The following VTI1A variants were observed in gnomAD, a reference collection of about 807,000 sequenced individuals.
VTI1A encodes the protein vesicle transport through interaction with t-SNAREs homolog 1A.
In VTI1A, 22 loss-of-function variants were observed where a neutral mutation model predicts 34.9. The ratio of observed to expected loss-of-function variants is 0.63; its 90% confidence interval spans 0.45 to 0.90. The LOEUF is 0.90. Ranked by LOEUF, VTI1A falls within the 40% of genes least tolerant of loss-of-function variation. VTI1A has a pLI of 0.00. For missense variants in VTI1A, 268 were observed against 275.6 expected, an observed-to-expected ratio of 0.97 and a Z score of 0.20; for synonymous variants, 87 against 97.3, an observed-to-expected ratio of 0.89 and a Z score of 0.62.
At chr10:112,607,626 A>G (rs187865346) in intron 5 of VTI1A, among the ~76,000 whole-genome samples, 1 of 152,346 alleles carries the variant, frequency 6.6e-6, no homozygotes, top group East Asian at 1.9e-4. Context: ...AACTGAGATA[A>G]TAAGCATTCA....
chr10:112,550,146 T>C (rs1851294174), intron 5 of VTI1A, among the ~76,000 whole-genome samples: 1 of 152,210 alleles, frequency 6.6e-6, no homozygotes, highest in South Asian at 2.1e-4. Flanking sequence ...GTTTGTAAGA[T>C]ACACGTGGAG....
chr10:112,737,646 A>G lies in VTI1A; in HGVS notation c.560+68648A>G, dbSNP rs1850538754. ...GCCTCTATGTGTGAAACACAGGGGT[A>G]CCTCAAAAATAGAACAAGAGCACTC... On this transcript the variant is annotated intron_variant, in intron 7 of 7. Transcript: ENST00000393077. The G allele has an allele frequency of 1.4e-5, 15 of 1,050,594 alleles. No homozygotes were observed. The South Asian group carries it at 6.9e-4, about 48-fold the overall frequency. 65.1% of individuals were successfully genotyped at this position (1,050,594 alleles called of 1,614,324 possible).
intron 5 of VTI1A, among the ~76,000 whole-genome samples, chr10:112,573,454 G>C (rs968522176): frequency 6.6e-6 from 1 of 151,996 alleles, no homozygotes; most frequent in Non-Finnish European, 1.5e-5. Flanking sequence ...TTTATTATTA[G>C]ACATAAAATG....
At chr10:112,796,403 CAAAAAA>C (rs34102399) in intron 7 of VTI1A, among the ~76,000 whole-genome samples, 2 of 37,558 alleles carry the variant, frequency 5.3e-5, no homozygotes, top group Admixed American at 4.9e-4. Flanking sequence ...AAGACTCCGT[CAAAAAA>C]AAAAAAAAAA....
chr10:112,822,426 G>A (rs573652515), downstream of VTI1A, among the ~76,000 whole-genome samples: 16 of 152,130 alleles, frequency 1.1e-4, no homozygotes, highest in East Asian at 3.1e-3. Context: ...AGGCTGGGTT[G>A]GAGTTTGGAC....
intron 5 of VTI1A, among the ~76,000 whole-genome samples, chr10:112,594,843 G>A (rs535216993): frequency 0.091 from 13,793 of 151,652 alleles, 699 homozygotes; most frequent in Non-Finnish European, 0.11. Flanking sequence ...AAAAGAACCC[G>A]CATCGCCAAG....
intron 7 of VTI1A, among the ~76,000 whole-genome samples, chr10:112,776,434 G>A (rs1851957810): frequency 6.6e-6 from 1 of 152,124 alleles, no homozygotes; most frequent in Non-Finnish European, 1.5e-5. Flanking sequence ...CTGGGCCTTA[G>A]CACTAGGCGG....
intron 3 of VTI1A, among the ~76,000 whole-genome samples, chr10:112,513,896 G>A (rs1168459553): frequency 6.6e-6 from 1 of 151,800 alleles, no homozygotes; most frequent in Non-Finnish European, 1.5e-5. Flanking sequence ...ACTTGATCAT[G>A]GTGAATGATT....
intron 5 of VTI1A, among the ~76,000 whole-genome samples, chr10:112,611,761 T>G (rs1266971323): frequency 8.9e-5 from 8 of 90,252 alleles, no homozygotes; most frequent in Non-Finnish European, 1.4e-4. Flanking sequence ...TTTTTTTTTG[T>G]GACGGAGTCT....
In VTI1A at chr10:112,816,923, G is replaced by T. The variant is rs982208969; in HGVS notation, c.*1540G>T. On this transcript the variant is annotated 3_prime_UTR_variant, in exon 8 of 8. Transcript: ENST00000393077. ...AACAGGCCAAGGCCTGCATGTGTTCGGATAAATCATTTAGTATTGTGTAAA... is the reference window on the plus strand; with the variant it reads ...AACAGGCCAAGGCCTGCATGTGTTCTGATAAATCATTTAGTATTGTGTAAA... 5.2e-5 allele frequency: 12 copies of T among 230,576 alleles called. No individual in the cohort carries two copies. Among genetic ancestry groups the T allele is most frequent in the Admixed American group, 1.1e-4 (2 of 17,664 alleles). The allele number at this position is 230,576 out of a possible 1,614,324, so 14.3% of individuals were successfully genotyped here. A position where few individuals can be genotyped will look rare whatever the true frequency, so the allele number is the denominator to read the frequency against.
At position 112,688,370 on chromosome 10, in the gene VTI1A, A is replaced by G. The variant is rs542333502; in HGVS notation, c.560+19372A>G. ...AACACCATAACCTACCCCATCTACAATGATCTCTCCCCTCCCTTTTTTTTA... is the reference window on the plus strand; with the variant it reads ...AACACCATAACCTACCCCATCTACAGTGATCTCTCCCCTCCCTTTTTTTTA... On this transcript the variant is annotated intron_variant, in intron 7 of 7. Transcript: ENST00000393077. Among the ~76,000 whole-genome samples, 4 of 152,120 alleles carry G rather than the reference A, an allele frequency of 2.6e-5. No homozygotes were observed. The Middle Eastern group carries it at 0.01, about 388-fold the overall frequency.
chr10:112,772,701 A>G (rs534425475), intron 7 of VTI1A, among the ~76,000 whole-genome samples: 152 of 152,170 alleles, frequency 1.0e-3, no homozygotes, highest in Non-Finnish European at 1.9e-3. Flanking sequence ...ATTCATTTAG[A>G]GTTAATGTTT....
At chr10:112,512,561 T>C (rs1461102060) in intron 3 of VTI1A, among the ~76,000 whole-genome samples, 3 of 152,174 alleles carry the variant, frequency 2.0e-5, no homozygotes, top group Admixed American at 1.3e-4. Flanking sequence ...TTAAGTCCCA[T>C]TTGTCTATTT....
chr10:112,688,066 G>A (rs908056749), intron 7 of VTI1A, among the ~76,000 whole-genome samples: 1 of 149,526 alleles, frequency 6.7e-6, no homozygotes, highest in African/African-American at 2.5e-5. Flanking sequence ...CGATTCTCCT[G>A]CCTCAGCCTC....
At chr10:112,484,394 TA>T (rs1310608045) in intron 3 of VTI1A, among the ~76,000 whole-genome samples, 2 of 152,254 alleles carry the variant, frequency 1.3e-5, no homozygotes, top group Non-Finnish European at 2.9e-5. Flanking sequence ...TGCTTTGGAA[TA>T]TTGGGCTCAA....
At chr10:112,829,027 G>A in the VTI1A span, among the ~76,000 whole-genome samples, 2 of 152,170 alleles carry the variant, frequency 1.3e-5, no homozygotes, top group African/African-American at 4.8e-5. Context: ...TTCAGTCACA[G>A]AGAGACCTGG....
chr10:112,666,829 T>C (rs902646550), intron 5 of VTI1A, among the ~76,000 whole-genome samples: 5 of 152,160 alleles, frequency 3.3e-5, no homozygotes, highest in Admixed American at 3.3e-4. Flanking sequence ...AATAAATGCT[T>C]ATTATTGTTG....
chr10:112,671,922 T>C (rs1847865226), intron 7 of VTI1A: 1 of 152,196 alleles, frequency 6.6e-6, no homozygotes, highest in Non-Finnish European at 1.5e-5. Context: ...ATATTTAATG[T>C]CTGTATGCCA....
At position 112,552,062 on chromosome 10, in the gene VTI1A, C is replaced by A. The variant is rs149990791; in HGVS notation, c.427+13732C>A. Among the ~76,000 whole-genome samples, 616 of 152,238 alleles carry A rather than the reference C, an allele frequency of 4.0e-3. 2 individuals are homozygous for A. Among genetic ancestry groups the A allele is most frequent in the African/African-American group, 0.014 (573 of 41,552 alleles). ...TATGGAGGTTTTTAATGCTTTAAAT[C>A]ATAAATGTTGGTAATTGTTAATGTA... On this transcript the variant is annotated intron_variant, in intron 5 of 7. Coordinates refer to ENST00000393077, the MANE Select transcript of VTI1A (RefSeq NM_145206.4).
Sources: gnomAD v4.1 joint callset for allele counts (sites outside exome capture counted in the v4.1 genomes callset) on GRCh38, gnomAD v4.1.1 for gene constraint, MANE v1.5 for transcripts, NCBI Gene and HGNC (gene_info 2026-07-23, HGNC 2026-07-21) for gene names.